CCSER1: variants seen among roughly 807,000 people sequenced by gnomAD.
CCSER1 encodes the protein coiled-coil serine rich protein 1.
A neutral mutation model predicts 82.0 loss-of-function variants in CCSER1; 41 were observed. The ratio of observed to expected loss-of-function variants is 0.50; its 90% CI spans 0.39 to 0.65. The LOEUF (loss-of-function observed/expected upper bound fraction) is 0.65. Among genes scored for constraint, CCSER1 ranks in the 30% least tolerant of loss-of-function variants. The pLI is 0.00. For synonymous variants in CCSER1, 414 were observed against 383.9 expected (o/e 1.08, Z -0.92); for missense variants, 1,119 against 1,064.2 (o/e 1.05, Z -0.72).
chr4:91,091,336 T>C (rs1723929601), intron 10 of CCSER1, among the ~76,000 whole-genome samples: 1 of 152,162 alleles, frequency 6.6e-6, no homozygotes, highest in Non-Finnish European at 1.5e-5. Flanking sequence ...GTCGGGCTGG[T>C]CACTTCCTGG....
At chr4:91,087,624 G>A (rs1393122266) in intron 10 of CCSER1, among the ~76,000 whole-genome samples, 2 of 152,052 alleles carry the variant, frequency 1.3e-5, no homozygotes, top group African/African-American at 4.8e-5. Flanking sequence ...CATCTCCATA[G>A]AAGGGACAAC....
intron 1 of CCSER1, among the ~76,000 whole-genome samples, chr4:90,280,454 G>A (rs1470409015): frequency 2.0e-5 from 3 of 151,302 alleles, no homozygotes; most frequent in Non-Finnish European, 2.9e-5. Context: ...CCAGAGATAA[G>A]CATTGTCACA....
At chr4:91,183,891 T>C (rs545197762) in intron 10 of CCSER1, among the ~76,000 whole-genome samples, 2 of 152,334 alleles carry the variant, frequency 1.3e-5, no homozygotes, top group South Asian at 2.1e-4. Context: ...ACTCATGGCA[T>C]AGGCAGGAAT....
intron 8 of CCSER1, among the ~76,000 whole-genome samples, chr4:90,822,924 C>G (rs954148730): frequency 6.6e-6 from 1 of 152,016 alleles, no homozygotes; most frequent in Non-Finnish European, 1.5e-5. Context: ...TCATAATCTT[C>G]CTCTGTTTAC....
chr4:90,531,551 G>T (rs1560669647), intron 5 of CCSER1, among the ~76,000 whole-genome samples: 1 of 151,998 alleles, frequency 6.6e-6, no homozygotes, highest in Non-Finnish European at 1.5e-5. Flanking sequence ...AAGAAGAGGG[G>T]CAATACTTTC....
rs116339785 is a variant in CCSER1 at position 91,054,411 on chromosome 4, T to C, written c.2173-31539T>C. On this transcript the variant is annotated intron_variant, in intron 9 of 10. Coordinates refer to ENST00000509176, the MANE Select transcript of CCSER1 (RefSeq NM_001145065.2). Reference sequence around the variant, plus strand: ...TCATTTAGATGGAATCTTTTATTTATTTTTTGTTATATCCTCTTGGTTTAT... The same window carrying C: ...TCATTTAGATGGAATCTTTTATTTACTTTTTGTTATATCCTCTTGGTTTAT... Among the ~76,000 whole-genome samples, 895 of 152,344 alleles carry C rather than the reference T, an allele frequency of 5.9e-3. 7 individuals carry two copies. Among genetic ancestry groups the C allele is most frequent in the African/African-American group, 0.02 (846 of 41,580 alleles).
At chr4:91,416,280 A>G (rs1474695344) in intron 10 of CCSER1, among the ~76,000 whole-genome samples, 4 of 152,136 alleles carry the variant, frequency 2.6e-5, no homozygotes, top group African/African-American at 9.7e-5. Flanking sequence ...TACTGCCCAG[A>G]CGAATTTATA....
At chr4:91,148,120 A>AT (rs1223164141) in intron 10 of CCSER1, among the ~76,000 whole-genome samples, 1 of 152,222 alleles carries the variant, frequency 6.6e-6, no homozygotes, top group Non-Finnish European at 1.5e-5. Flanking sequence ...GTCTTTCATA[A>AT]TTTAAGAAAA....
At chr4:90,692,035 G>GTA (rs60193331) in intron 6 of CCSER1, among the ~76,000 whole-genome samples, 8,326 of 141,508 alleles carry the variant, frequency 0.059, 231 homozygotes, top group Middle Eastern at 0.074. Context: ...TTCAATGTGT[G>GTA]TATATATATA....
chr4:90,616,650 A>G (rs1277512550), intron 5 of CCSER1, among the ~76,000 whole-genome samples: 1 of 146,516 alleles, frequency 6.8e-6, no homozygotes, highest in East Asian at 2.1e-4. Context: ...AGGCCACTGA[A>G]CTCCAGCCTG....
intron 10 of CCSER1, among the ~76,000 whole-genome samples, chr4:91,565,023 G>GA (rs1762816518): frequency 7.6e-6 from 1 of 131,514 alleles, no homozygotes; most frequent in Admixed American, 8.3e-5. Flanking sequence ...AATGCACCTT[G>GA]AGTTGTGTGT....
At chr4:91,404,485 G>A (rs967838623) in intron 10 of CCSER1, among the ~76,000 whole-genome samples, 2 of 152,090 alleles carry the variant, frequency 1.3e-5, no homozygotes, top group Non-Finnish European at 2.9e-5. Context: ...TAATTGTGAT[G>A]TTAGGGTGTC....
At chr4:91,212,213 A>G (rs1414395479) in intron 10 of CCSER1, among the ~76,000 whole-genome samples, 1 of 150,924 alleles carries the variant, frequency 6.6e-6, no homozygotes, top group Non-Finnish European at 1.5e-5. Context: ...TCCTAATCCA[A>G]CTTTATATTC....
chr4:90,989,042 T>G (rs1340548721), intron 9 of CCSER1, among the ~76,000 whole-genome samples: 1 of 151,768 alleles, frequency 6.6e-6, no homozygotes, highest in African/African-American at 2.4e-5. Flanking sequence ...CATTTAGCAA[T>G]CCATGACATG....
intron 6 of CCSER1, among the ~76,000 whole-genome samples, chr4:90,639,918 G>C (rs1200380878): frequency 6.6e-6 from 1 of 152,122 alleles, no homozygotes; most frequent in Non-Finnish European, 1.5e-5. Context: ...AGTTATGGAA[G>C]AGAGAATTTG....
intron 10 of CCSER1, among the ~76,000 whole-genome samples, chr4:91,164,760 C>T (rs570689853): frequency 1.2e-4 from 19 of 152,188 alleles, no homozygotes; most frequent in East Asian, 3.9e-4. Context: ...GTATTTCTTG[C>T]GCCATGATTT....
chr4:91,336,186 A>G (rs1747313335), intron 10 of CCSER1, among the ~76,000 whole-genome samples: 2 of 152,086 alleles, frequency 1.3e-5, no homozygotes, highest in South Asian at 4.1e-4. Flanking sequence ...TCATCAAGCT[A>G]CATTTCCATA....
chr4:90,566,754 C>A (rs1023449286), intron 5 of CCSER1, among the ~76,000 whole-genome samples: 4 of 152,022 alleles, frequency 2.6e-5, no homozygotes, highest in Admixed American at 1.3e-4. Context: ...AGACGCCCGC[C>A]ACCACGCCCA....
chr4:90,338,451 T>A (rs1234936541), intron 3 of CCSER1, among the ~76,000 whole-genome samples: 1 of 152,218 alleles, frequency 6.6e-6, no homozygotes, highest in Non-Finnish European at 1.5e-5. Context: ...TTCATTCTTT[T>A]GCAGCTTACA....
Sources: allele counts gnomAD v4.1 joint callset (sites outside exome capture counted in the v4.1 genomes callset), GRCh38; gene constraint gnomAD v4.1.1; transcripts MANE v1.5; gene names NCBI Gene and HGNC (gene_info 2026-07-23, HGNC 2026-07-21).